TMCO4: variants seen among roughly 807,000 people sequenced by gnomAD.
The protein encoded by TMCO4 is transmembrane and coiled-coil domains 4.
Under a neutral mutation model 64.7 loss-of-function variants are expected in TMCO4, and 58 were observed. That is an observed-to-expected ratio of 0.90 (90% confidence interval 0.73 to 1.12). TMCO4 has a LOEUF of 1.12. TMCO4 is among the 50% of genes most tolerant of loss of function. The probability of loss-of-function intolerance (pLI) is 0.00; values close to 1 mark genes in which losing one functional copy is unlikely to be tolerated. For missense variants in TMCO4, 780 were observed against 825.9 expected (o/e 0.94, Z 0.68); for synonymous variants, 325 against 346.1 (o/e 0.94, Z 0.68).
At chr1:19,736,271 GA>G (rs1305917624) in intron 13 of TMCO4, among the ~76,000 whole-genome samples, 2 of 152,176 alleles carry the variant, frequency 1.3e-5, no homozygotes, top group Non-Finnish European at 2.9e-5. Context: ...CAGCTCTCAT[GA>G]GACTTATTCA....
At chr1:19,694,317 T>G (rs534142247) in intron 15 of TMCO4, 117 bp downstream of exon 15, 36 of 841,678 alleles carry the variant, frequency 4.3e-5, no homozygotes, top group Middle Eastern at 2.4e-4. Flanking sequence ...TAAATTCTTA[T>G]GATCTTTCTC....
At chr1:19,723,824 T>A (rs1570765584) in intron 13 of TMCO4, among the ~76,000 whole-genome samples, 1 of 151,858 alleles carries the variant, frequency 6.6e-6, no homozygotes, top group East Asian at 1.9e-4. Context: ...GAGAGGAGGG[T>A]GAAGCGGGTC....
intron 6 of TMCO4, among the ~76,000 whole-genome samples, chr1:19,764,248 G>C (rs2042632190): frequency 2.6e-5 from 4 of 152,188 alleles, no homozygotes; most frequent in Admixed American, 2.6e-4. Context: ...GAGCCCCGGG[G>C]CCTGTCTGGA....
chr1:19,793,005 A>C (rs114556127), intron 2 of TMCO4, among the ~76,000 whole-genome samples: 1 of 152,024 alleles, frequency 6.6e-6, no homozygotes, highest in Admixed American at 6.6e-5. Flanking sequence ...ACCTGGCTCA[A>C]GTGATCCTGT....
intron 4 of TMCO4, among the ~76,000 whole-genome samples, chr1:19,779,917 T>G (rs2043381857): frequency 6.6e-6 from 1 of 152,152 alleles, no homozygotes; most frequent in Non-Finnish European, 1.5e-5. Context: ...TCAAAAAATG[T>G]TCGGTGAAGG....
chr1:19,781,602 TACC>T (rs1557616686), intron 3 of TMCO4, among the ~76,000 whole-genome samples: 2 of 151,622 alleles, frequency 1.3e-5, no homozygotes, highest in Non-Finnish European at 2.9e-5. Flanking sequence ...AGACTGAGAA[TACC>T]AAGTGCTGGT....
At chr1:19,767,953 G>A (rs1374878952) in intron 6 of TMCO4, among the ~76,000 whole-genome samples, 1 of 152,112 alleles carries the variant, frequency 6.6e-6, no homozygotes, top group Admixed American at 6.6e-5. Context: ...TTAGCCAGGC[G>A]TGATGGCACA....
At chr1:19,737,143 A>G (rs1406414081) in intron 13 of TMCO4, among the ~76,000 whole-genome samples, 1 of 152,236 alleles carries the variant, frequency 6.6e-6, no homozygotes, top group Non-Finnish European at 1.5e-5. Flanking sequence ...AGCCAGTGTC[A>G]TTATTACAGG....
chr1:19,724,951 G>A (rs1396887242), intron 13 of TMCO4, among the ~76,000 whole-genome samples: 1 of 151,988 alleles, frequency 6.6e-6, no homozygotes, highest in African/African-American at 2.4e-5. Flanking sequence ...AAGTAGAGAC[G>A]GGGTTTCACC....
chr1:19,734,505 A>G lies in TMCO4; in HGVS notation c.1264+2867T>C, dbSNP rs574528221. On this transcript the variant is annotated intron_variant, in intron 13 of 15. Coordinates refer to ENST00000294543, the MANE Select transcript of TMCO4 (RefSeq NM_181719.7). This position sits in a 1 kb window ranked among gnomAD's most constrained non-coding sequence, Gnocchi z 4.4. ...ATTCACTCCACAGTTTAAAGACCTCAATCTTTCCCCAGCGTTGAACCAGTT... is the reference window on the plus strand; with the variant it reads ...ATTCACTCCACAGTTTAAAGACCTCGATCTTTCCCCAGCGTTGAACCAGTT... Among the ~76,000 whole-genome samples, 2 of 152,178 alleles carry G rather than the reference A, an allele frequency of 1.3e-5. No individual in the cohort carries two copies. Among genetic ancestry groups the G allele is most frequent in the South Asian group, 4.2e-4 (2 of 4,818 alleles).
intron 14 of TMCO4, among the ~76,000 whole-genome samples, chr1:19,695,097 G>T (rs2095227067): frequency 6.6e-6 from 1 of 152,198 alleles, no homozygotes; most frequent in African/African-American, 2.4e-5. Flanking sequence ...CCAGGCTGCA[G>T]GTCTCCCTGC....
At chr1:19,767,038 T>C (rs766920433) in intron 6 of TMCO4, among the ~76,000 whole-genome samples, 1 of 152,200 alleles carries the variant, frequency 6.6e-6, no homozygotes, top group Non-Finnish European at 1.5e-5. Flanking sequence ...CAAAGGCACC[T>C]CCCAGGCATT....
chr1:19,742,802 T>C (rs2095485530), intron 10 of TMCO4, among the ~76,000 whole-genome samples: 1 of 152,000 alleles, frequency 6.6e-6, no homozygotes, highest in South Asian at 2.1e-4. Flanking sequence ...AAAGGTGTTG[T>C]ATACTTTGGG....
chr1:19,703,521 CCTT>C (rs1323105722), intron 13 of TMCO4, among the ~76,000 whole-genome samples: 7 of 150,996 alleles, frequency 4.6e-5, no homozygotes, highest in South Asian at 2.1e-4. Flanking sequence ...CTCCCTCCCT[CCTT>C]CTTTTCTTTT....
chr1:19,762,617 C>A (rs2042556806), intron 6 of TMCO4, among the ~76,000 whole-genome samples: 1 of 152,254 alleles, frequency 6.6e-6, no homozygotes, highest in Non-Finnish European at 1.5e-5. Flanking sequence ...CACTCTTATG[C>A]ATCAAAGAAT....
At chr1:19,739,453 C>A (rs146384131) in intron 12 of TMCO4, among the ~76,000 whole-genome samples, 95 of 152,276 alleles carry the variant, frequency 6.2e-4, no homozygotes, top group African/African-American at 2.2e-3. Flanking sequence ...CTGCAAACTG[C>A]GTCAGAGGTT....
rs1262778553 is a variant in TMCO4, at chr1:19,770,567, G to T, written c.357C>A (p.Asp119Glu). ...CATCCTTGAGTGAGAAGCTCAGAAG[G>T]TCCTGAGGGAGAAGACAACAGGCAT... is the stretch of plus-strand genomic sequence containing the variant. The part of the protein sequence containing the change: ...LKDDPTVITQ[D>E]LLSFSLKDGH... The change falls in exon 6 of 16, where the codon GAC (aspartate) becomes GAA (glutamate). Residue 119 changes from aspartate to glutamate, a missense_variant and splice_region_variant. Asp to Glu is a conservative substitution (Grantham distance 45). Transcript: ENST00000294543. 1 of 1,612,748 alleles carries T rather than the reference G, an allele frequency of 6.2e-7. No individual in the cohort carries two copies. The highest frequency in any genetic ancestry group is 2.2e-5 in the East Asian group (1 of 44,872).
At chr1:19,729,143 G>T (rs2095419936) in intron 13 of TMCO4, among the ~76,000 whole-genome samples, 1 of 151,970 alleles carries the variant, frequency 6.6e-6, no homozygotes, top group Non-Finnish European at 1.5e-5. Context: ...GGTGACTACA[G>T]TCAATAATAA....
At chr1:19,693,339 C>T (rs1570639129) in intron 15 of TMCO4, among the ~76,000 whole-genome samples, 3 of 151,752 alleles carry the variant, frequency 2.0e-5, no homozygotes, top group South Asian at 4.2e-4. Flanking sequence ...AAAAATTAGC[C>T]GGGCATAGTG....
Sources: gnomAD v4.1 joint callset for allele counts (sites outside exome capture counted in the v4.1 genomes callset) on GRCh38, gnomAD v4.1.1 for gene constraint, Gnocchi (gnomAD v3.1) non-coding constraint, MANE v1.5 for transcripts, NCBI Gene and HGNC (gene_info 2026-07-23, HGNC 2026-07-21) for gene names.